Variants in BTBD9 observed in about 807,000 individuals in gnomAD.
BTBD9 encodes BTB domain containing 9, also known as BTB/POZ domain-containing protein 9.
A neutral mutation model predicts 64.3 loss-of-function variants in BTBD9; 49 were observed. The ratio of observed to expected loss-of-function variants is 0.76; its 90% CI spans 0.61 to 0.97. The LOEUF (loss-of-function observed/expected upper bound fraction) is 0.97. BTBD9 is among the 50% of genes least tolerant of loss of function. BTBD9 has a pLI of 0.00. For synonymous variants in BTBD9, 260 were observed against 274.7 expected (o/e 0.95, Z 0.53); for missense variants, 598 against 762.1 (o/e 0.78, Z 2.53).
intron 6 of BTBD9, among the ~76,000 whole-genome samples, chr6:38,552,422 C>T (rs992693742): frequency 5.3e-5 from 8 of 152,108 alleles, no homozygotes; most frequent in Non-Finnish European, 7.4e-5. Flanking sequence ...ACTAACTCAT[C>T]GCAAGATACT....
chr6:38,430,471 C>T (rs1276221714), intron 6 of BTBD9, among the ~76,000 whole-genome samples: 2 of 150,290 alleles, frequency 1.3e-5, no homozygotes, highest in African/African-American at 4.9e-5. Context: ...GCAATCTTCC[C>T]ACCTTGGCCT....
chr6:38,213,433 C>T (rs1477109468), intron 9 of BTBD9, among the ~76,000 whole-genome samples: 1 of 152,078 alleles, frequency 6.6e-6, no homozygotes, highest in Admixed American at 6.5e-5. Flanking sequence ...TAGCACAGAG[C>T]GGCCCAAGAT....
At chr6:38,444,766 C>T (rs776815610) in intron 6 of BTBD9, among the ~76,000 whole-genome samples, 31 of 152,112 alleles carry the variant, frequency 2.0e-4, no homozygotes, top group Non-Finnish European at 4.1e-4. Context: ...TAAGTGTATG[C>T]CACAATTTAA....
intron 6 of BTBD9, among the ~76,000 whole-genome samples, chr6:38,454,097 C>T (rs1462326985): frequency 6.6e-6 from 1 of 152,074 alleles, no homozygotes; most frequent in African/African-American, 2.4e-5. Flanking sequence ...ATTCTTCAAG[C>T]AAGTAGGTTT....
intron 6 of BTBD9, among the ~76,000 whole-genome samples, chr6:38,544,381 C>A (rs34222775): frequency 0.19 from 28,254 of 151,734 alleles, 2,676 homozygotes; most frequent in East Asian, 0.27. Flanking sequence ...ACATAAGGGG[C>A]AAGAGAGAGT....
In BTBD9 at chr6:38,597,749, A is replaced by G. The variant is rs1264080387; in HGVS notation, c.185+161T>C. 3.3e-5 allele frequency among the ~76,000 whole-genome samples: 5 copies of G among 152,340 alleles called. No individual in the cohort carries two copies. In the East Asian group the frequency reaches 9.6e-4, roughly 29 times the overall value. The stretch of plus-strand genomic sequence containing the variant: ...GCTCCTAAAGGAAAAGGTGATTCTC[A>G]AAAAATAACAAAGTCTACAAGGATG... On this transcript the variant is annotated intron_variant, in intron 2 of 10. Coordinates refer to ENST00000481247, the MANE Select transcript of BTBD9 (RefSeq NM_001099272.2).
intron 7 of BTBD9, among the ~76,000 whole-genome samples, chr6:38,308,638 C>G (rs1234669385): frequency 2.0e-5 from 3 of 152,126 alleles, no homozygotes; most frequent in Non-Finnish European, 4.4e-5. Context: ...GGGTCTCACT[C>G]TGTTGCCCAG....
intron 7 of BTBD9, among the ~76,000 whole-genome samples, chr6:38,320,525 A>G (rs904460443): frequency 6.6e-6 from 1 of 152,160 alleles, no homozygotes; most frequent in African/African-American, 2.4e-5. Flanking sequence ...TTGAAAGTCC[A>G]CTGCACAAGG....
chr6:38,219,120 C>CTTTCT lies in BTBD9; in HGVS notation c.1563-26528_1563-26524dup, dbSNP rs1171016915. 3.3e-3 allele frequency among the ~76,000 whole-genome samples: 449 copies of CTTTCT among 137,734 alleles called. 21 individuals carry two copies. Among genetic ancestry groups the CTTTCT allele is most frequent in the East Asian group, 7.6e-3 (34 of 4,480 alleles). The allele number at this position is 137,734 out of a possible 152,430, so 90.4% of individuals were successfully genotyped here. ...AGATAGTATTAAGTCATTACTATCA[C>CTTTCT]TTTCTTTTCTTTTTTTTTTTTTTTT... On this transcript the variant is annotated intron_variant, in intron 9 of 10. Transcript: ENST00000481247.
At position 38,174,737 on chromosome 6, in the gene BTBD9, TTGA is replaced by T. The variant is rs1230845113; in HGVS notation, c.*245_*247del. The T allele has an allele frequency of 1.1e-5, 6 of 528,904 alleles. No individual in the cohort carries two copies. Among genetic ancestry groups the T allele is most frequent in the African/African-American group, 1.1e-4 (6 of 52,916 alleles). The allele number at this position is 528,904 out of a possible 1,614,324, so 32.8% of individuals were successfully genotyped here. A position where few individuals can be genotyped will look rare whatever the true frequency, so the allele number is the denominator to read the frequency against. On this transcript the variant is annotated 3_prime_UTR_variant, in exon 11 of 11. Transcript: ENST00000481247. ...GAGAGGTAGGGTGTTAATGGTGGAC[TTGA>T]TGAAGATTGAAGACCCATTTTCTCC...
At chr6:38,179,931 T>G (rs1328851647) in intron 10 of BTBD9, 11 of 422,580 alleles carry the variant, frequency 2.6e-5, no homozygotes, top group Middle Eastern at 4.9e-4. Flanking sequence ...GGAGAAGATT[T>G]CCACATAAAG....
At chr6:38,309,318 G>C (rs995663719) in intron 7 of BTBD9, among the ~76,000 whole-genome samples, 4 of 151,718 alleles carry the variant, frequency 2.6e-5, no homozygotes, top group African/African-American at 7.2e-5. Context: ...GCAGTGAGCC[G>C]AGATCATACC....
At chr6:38,605,007 T>A (rs1470132762) in intron 1 of BTBD9, among the ~76,000 whole-genome samples, 1 of 152,092 alleles carries the variant, frequency 6.6e-6, no homozygotes, top group African/African-American at 2.4e-5. Context: ...TTGATATTAA[T>A]TTTTAACCTA....
chr6:38,606,171 T>G (rs1006759115), intron 1 of BTBD9, among the ~76,000 whole-genome samples: 2 of 152,060 alleles, frequency 1.3e-5, no homozygotes, highest in African/African-American at 4.8e-5. Context: ...CGCTGTCGGG[T>G]TCCCTACTTT....
intron 9 of BTBD9, among the ~76,000 whole-genome samples, chr6:38,235,222 T>C (rs1370245453): frequency 6.6e-6 from 1 of 152,164 alleles, no homozygotes; most frequent in Non-Finnish European, 1.5e-5. Flanking sequence ...AGGTACTTGA[T>C]AAAAAGGGGT....
At chr6:38,429,399 G>A (rs1182906426) in intron 6 of BTBD9, among the ~76,000 whole-genome samples, 1 of 149,502 alleles carries the variant, frequency 6.7e-6, no homozygotes, top group Non-Finnish European at 1.5e-5. Flanking sequence ...AGATTGCAGT[G>A]AGCCGAGATC....
At chr6:38,612,249 T>C (rs555992243) in intron 1 of BTBD9, among the ~76,000 whole-genome samples, 1 of 152,326 alleles carries the variant, frequency 6.6e-6, no homozygotes, top group East Asian at 1.9e-4. Flanking sequence ...TGGAAGTTCA[T>C]GAAATAAGTG....
intron 6 of BTBD9, among the ~76,000 whole-genome samples, chr6:38,456,360 C>T (rs1769806495): frequency 6.6e-6 from 1 of 152,180 alleles, no homozygotes; most frequent in African/African-American, 2.4e-5. Context: ...TACGATTTCA[C>T]TTGTCTAAGG....
intron 6 of BTBD9, among the ~76,000 whole-genome samples, chr6:38,371,143 T>C (rs1765408517): frequency 6.6e-6 from 1 of 152,194 alleles, no homozygotes; most frequent in Admixed American, 6.5e-5. Flanking sequence ...TTGATGAGTC[T>C]GGGATGTGAG....
Sources: allele counts gnomAD v4.1 joint callset (sites outside exome capture counted in the v4.1 genomes callset), GRCh38; gene constraint gnomAD v4.1.1; transcripts MANE v1.5; gene names NCBI Gene and HGNC (gene_info 2026-07-23, HGNC 2026-07-21).